The following USP34 variants were observed in gnomAD, a reference collection of about 807,000 sequenced individuals.
The protein encoded by USP34 is ubiquitin specific peptidase 34, also known as ubiquitin carboxyl-terminal hydrolase 34.
USP34 carries 70 observed loss-of-function variants against 460.3 expected under a neutral mutation model. The ratio of observed to expected loss-of-function variants is 0.15; its 90% CI spans 0.13 to 0.19. USP34 has a LOEUF of 0.19. Among genes scored for constraint, USP34 ranks in the 10% least tolerant of loss-of-function variants. USP34 has a pLI of 1.00. For synonymous variants in USP34, 1,647 were observed against 1,405.3 expected, an observed-to-expected ratio of 1.17 and a Z score of -3.85; for missense variants, 3,985 against 4,236.2, an observed-to-expected ratio of 0.94 and a Z score of 1.65.
intron 1 of USP34, among the ~76,000 whole-genome samples, chr2:61,461,007 G>A (rs756118320): frequency 2.0e-5 from 3 of 150,534 alleles, no homozygotes; most frequent in Non-Finnish European, 4.4e-5. Context: ...AAAAAAAACA[G>A]GTAAAGGTGA....
At chr2:61,379,590 C>T (rs570581208) in intron 7 of USP34, among the ~76,000 whole-genome samples, 1 of 152,228 alleles carries the variant, frequency 6.6e-6, no homozygotes, top group South Asian at 2.1e-4. Flanking sequence ...TGCAACAAAC[C>T]GGAGAAAGCA....
chr2:61,266,898 C>T, intron 41 of USP34, among the ~76,000 whole-genome samples: 1 of 152,176 alleles, frequency 6.6e-6, no homozygotes, highest in East Asian at 1.9e-4. Flanking sequence ...TAAGTGAAAA[C>T]AGTGGCTCAC....
chr2:61,418,290 G>A (rs1315116607), intron 2 of USP34, among the ~76,000 whole-genome samples: 2 of 151,996 alleles, frequency 1.3e-5, no homozygotes, highest in Admixed American at 1.3e-4. Flanking sequence ...ATGTTGGTCA[G>A]GCTGGTCTCG....
Position 61,248,739 on chromosome 2 carries a change from T to C in USP34, c.6222-56A>G, listed in dbSNP as rs1688489847. ...TATTTTTTACAAATACTTCAGTTGGTTTGATTTCTGTTATGCTATATCCAT... is the reference window on the plus strand; with the variant it reads ...TATTTTTTACAAATACTTCAGTTGGCTTGATTTCTGTTATGCTATATCCAT... On this transcript the variant is annotated intron_variant, in intron 48 of 79. Coordinates refer to ENST00000398571, the MANE Select transcript of USP34 (RefSeq NM_014709.4). 2.7e-6 allele frequency: 4 copies of C among 1,470,974 alleles called. No homozygotes were observed. In the East Asian group the frequency reaches 7.0e-5, roughly 26 times the overall value. 91.1% of individuals were successfully genotyped at this position (1,470,974 alleles called of 1,614,324 possible).
At chr2:61,463,010 A>G (rs752272800) in intron 1 of USP34, among the ~76,000 whole-genome samples, 4 of 151,830 alleles carry the variant, frequency 2.6e-5, no homozygotes, top group Non-Finnish European at 5.9e-5. Flanking sequence ...AGCCTGGATG[A>G]CAGAATAAGA....
intron 10 of USP34, among the ~76,000 whole-genome samples, chr2:61,364,644 C>G (rs901115121): frequency 2.0e-5 from 3 of 152,058 alleles, no homozygotes; most frequent in Non-Finnish European, 4.4e-5. Flanking sequence ...AGCCTTCAAC[C>G]AAGGCCAGGA....
Position 61,211,923 on chromosome 2 carries a change from C to T in USP34, c.8689G>A (p.Glu2897Lys), listed in dbSNP as rs768199001. Reference sequence around the variant, plus strand: ...AGCTGCATCAGGTTAAACAGTTCTTCTACTGCCTAAAAAAGCCAAATAAGC... The same window carrying T: ...AGCTGCATCAGGTTAAACAGTTCTTTTACTGCCTAAAAAAGCCAAATAAGC... ...PHASQYPGAV[E>K]ELFNLMQLFI... Residue 2897 changes from glutamate to lysine, a missense_variant, in exon 69 of 80, where the codon GAA (glutamate) becomes AAA (lysine). Glu to Lys is a moderately conservative substitution (Grantham distance 56, BLOSUM62 1). Around this residue, in one of 14 missense-constraint regions of USP34, gnomAD observed 275 missense variants for 292.7 expected, o/e 0.94. Transcript: ENST00000398571. 1.2e-6 allele frequency: 2 copies of T among 1,602,162 alleles called. No individual in the cohort carries two copies. The highest frequency in any genetic ancestry group is 1.7e-6 in the Non-Finnish European group (2 of 1,176,830).
Position 61,223,235 on chromosome 2 carries a change from G to A in USP34, c.7644+13C>T. On this transcript the variant is annotated intron_variant, in intron 63 of 79. Coordinates refer to ENST00000398571, the MANE Select transcript of USP34 (RefSeq NM_014709.4). ...GTGATGATCAAATTGTCTAATATTA[G>A]AGAATGTACTACCTTTCCTCCTGTT... The A allele has an allele frequency of 6.2e-7, 1 of 1,613,934 alleles. No homozygotes were observed. The highest frequency in any genetic ancestry group is 2.2e-5 in the East Asian group (1 of 44,856).
chr2:61,345,852 A>G (rs113030408), intron 15 of USP34, among the ~76,000 whole-genome samples: 1,695 of 152,184 alleles, frequency 0.011, 28 homozygotes, highest in African/African-American at 0.039. Flanking sequence ...GCTCAGGCTG[A>G]TCTCAAGCTC....
intron 75 of USP34, chr2:61,200,493 T>G (rs1686943563): frequency 6.6e-6 from 1 of 152,320 alleles, no homozygotes; most frequent in Non-Finnish European, 1.5e-5. Context: ...ATTATATATT[T>G]CTCTTTATCC....
chr2:61,423,491 G>C (rs866721444), intron 1 of USP34, among the ~76,000 whole-genome samples: 1 of 152,182 alleles, frequency 6.6e-6, no homozygotes, highest in Middle Eastern at 3.4e-3. Context: ...AAACAAGGAG[G>C]AAAAGACTTG....
chr2:61,443,747 G>A (rs1695033822), intron 1 of USP34, among the ~76,000 whole-genome samples: 1 of 152,114 alleles, frequency 6.6e-6, no homozygotes, highest in Non-Finnish European at 1.5e-5. Context: ...TGTACTGGTG[G>A]ATATGTTATT....
At chr2:61,337,114 A>C (rs12997538) in intron 18 of USP34, among the ~76,000 whole-genome samples, 51,551 of 152,006 alleles carry the variant, frequency 0.34, 9,028 homozygotes, top group Non-Finnish European at 0.39. Context: ...GTAACCAGCA[A>C]CCAAATCAAG....
intron 44 of USP34, among the ~76,000 whole-genome samples, chr2:61,258,475 G>T (rs1186867362): frequency 6.6e-6 from 1 of 152,184 alleles, no homozygotes. Flanking sequence ...TGGAATAGAT[G>T]GTCTCTTAGA....
chr2:61,190,974 T>C (rs1572820888), intron 76 of USP34: 3 of 201,962 alleles, frequency 1.5e-5, no homozygotes, highest in East Asian at 2.4e-4. Context: ...ACTGGAAAAA[T>C]AAGGCTAACA....
At chr2:61,415,522 C>A (rs1480465295) in intron 2 of USP34, among the ~76,000 whole-genome samples, 1 of 152,108 alleles carries the variant, frequency 6.6e-6, no homozygotes, top group Non-Finnish European at 1.5e-5. Flanking sequence ...TATATCATAA[C>A]TGGAAGTTCA....
intron 5 of USP34, among the ~76,000 whole-genome samples, chr2:61,385,144 C>T (rs1461243548): frequency 1.3e-5 from 2 of 152,020 alleles, no homozygotes; most frequent in Non-Finnish European, 2.9e-5. Context: ...CCCTTAAGAA[C>T]AGTATCAAAA....
rs965534332 is a variant in USP34, at chr2:61,314,886, T to C, written c.3371A>G (p.Tyr1124Cys). 6.2e-7 allele frequency: 1 copy of C among 1,610,764 alleles called. No homozygotes were observed. The highest frequency in any genetic ancestry group is 1.1e-5 in the South Asian group (1 of 89,928). ...TTCAAATCACTTACCATTAATATAA[T>C]AGGAGTTAATATACTGGATAGCTGC... ...SRAAIQYINS[Y>C]YINGKTGLEK... Residue 1124 changes from tyrosine to cysteine, a missense_variant, in exon 24 of 80, where the codon TAT (tyrosine) becomes TGT (cysteine). By Grantham distance (194) the Tyr-to-Cys change is radical. Coordinates refer to ENST00000398571, the MANE Select transcript of USP34 (RefSeq NM_014709.4).
chr2:61,249,574 A>G (rs907324990), intron 48 of USP34, among the ~76,000 whole-genome samples: 28 of 152,188 alleles, frequency 1.8e-4, no homozygotes, highest in Admixed American at 1.8e-3. Context: ...TCACATTCTT[A>G]TTAAAACTAT....
Sources: gnomAD v4.1 joint callset for allele counts (sites outside exome capture counted in the v4.1 genomes callset) on GRCh38, gnomAD v4.1.1 for gene constraint, gnomAD v4.1.1 regional missense constraint, MANE v1.5 for transcripts, NCBI Gene and HGNC (gene_info 2026-07-23, HGNC 2026-07-21) for gene names.